Variants in ITPR2 observed in about 807,000 individuals in gnomAD.
The protein encoded by ITPR2 is inositol 1,4,5-trisphosphate receptor type 2.
A neutral mutation model predicts 317.1 loss-of-function variants in ITPR2; 207 were observed. The ratio of observed to expected loss-of-function variants is 0.65; its 90% CI spans 0.58 to 0.73. The LOEUF (loss-of-function observed/expected upper bound fraction) is 0.73, where lower values mean the gene tolerates loss of function less well. ITPR2 is among the 30% of genes least tolerant of loss of function. ITPR2 has a pLI of 0.00. For missense variants in ITPR2, 2,613 were observed against 3,284.0 expected (o/e 0.80, Z 4.99); for synonymous variants, 1,156 against 1,149.1 (o/e 1.01, Z -0.12).
Position 26,738,487 on chromosome 12 carries a change from T to C in ITPR2, c.164-12722A>G, listed in dbSNP as rs957596526. On this transcript the variant is annotated intron_variant, in intron 2 of 56. Coordinates refer to ENST00000381340, the MANE Select transcript of ITPR2 (RefSeq NM_002223.4). ...GTGGTGTGTTCTTCTCTTGGCATTT[T>C]TTTGTCTCCTCCTTTCCTACCTATT... 1.4e-4 allele frequency among the ~76,000 whole-genome samples: 21 copies of C among 152,194 alleles called. 1 individual carries two copies. The highest frequency in any genetic ancestry group is 1.3e-3 in the Admixed American group (20 of 15,282).
intron 1 of ITPR2, among the ~76,000 whole-genome samples, chr12:26,824,209 A>G (rs1193121642): frequency 6.6e-6 from 1 of 152,204 alleles, no homozygotes; most frequent in African/African-American, 2.4e-5. Flanking sequence ...ATCTCATGTA[A>G]TTTATTGAAT....
chr12:26,578,936 T>C (rs1475648557), intron 33 of ITPR2, 103 bp from the exon 34 acceptor site: 41 of 1,181,696 alleles, frequency 3.5e-5, no homozygotes, highest in Non-Finnish European at 4.8e-5. Flanking sequence ...TAAAATAAAA[T>C]ACAATCTTTC....
intron 1 of ITPR2, among the ~76,000 whole-genome samples, chr12:26,822,708 C>T (rs572659456): frequency 6.6e-6 from 1 of 152,310 alleles, no homozygotes; most frequent in African/African-American, 2.4e-5. Flanking sequence ...TCCCAAGCAA[C>T]TGCCAAGTTT....
At chr12:26,676,605 G>A (rs1044134126) in intron 13 of ITPR2, among the ~76,000 whole-genome samples, 6 of 151,650 alleles carry the variant, frequency 4.0e-5, no homozygotes, top group African/African-American at 1.5e-4. Context: ...GATGAAAAGA[G>A]AAAGAACAAG....
At position 26,436,416 on chromosome 12, in the gene ITPR2, A is replaced by C. The variant is rs561398895; in HGVS notation, c.6644-70T>G. ...TTGGTTTCAACACATGAAGCTTACC[A>C]AAACAATATTTTACTAAATGCATCA... On this transcript the variant is annotated intron_variant, in intron 47 of 56. Transcript: ENST00000381340. 5.7e-6 allele frequency: 8 copies of C among 1,403,662 alleles called. No individual in the cohort carries two copies. The South Asian group carries it at 1.1e-4, about 20-fold the overall frequency. The allele number at this position is 1,403,662 out of a possible 1,614,324, so 87.0% of individuals were successfully genotyped here.
chr12:26,624,995 T>C (rs1420036576), intron 23 of ITPR2, among the ~76,000 whole-genome samples: 1 of 152,054 alleles, frequency 6.6e-6, no homozygotes, highest in Non-Finnish European at 1.5e-5. Context: ...AATGGAGTAC[T>C]ATTCAGCCAT....
chr12:26,592,558 T>TAAAAAG (rs1027261961), intron 32 of ITPR2, among the ~76,000 whole-genome samples: 2 of 152,108 alleles, frequency 1.3e-5, no homozygotes, highest in African/African-American at 4.8e-5. Context: ...CCACAAAATT[T>TAAAAAG]AAAAAGAAAA....
rs746241257 is a variant in ITPR2, at chr12:26,339,224, C to A, written c.*173G>T. On this transcript the variant is annotated 3_prime_UTR_variant, in exon 57 of 57. Transcript: ENST00000381340. ...GCATTTGAGGTTAGGTCTTCGCAAC[C>A]ATGAAAACACAGTTATAAATTGTTC... 1.7e-6 allele frequency: 1 copy of A among 594,652 alleles called. No homozygotes were observed. The highest frequency in any genetic ancestry group is 3.0e-6 in the Non-Finnish European group (1 of 328,900). 36.8% of individuals were successfully genotyped at this position (594,652 alleles called of 1,614,324 possible).
chr12:26,509,958 T>TTTTTTTTG (rs1247091708), intron 37 of ITPR2, among the ~76,000 whole-genome samples: 1 of 53,196 alleles, frequency 1.9e-5, no homozygotes, highest in East Asian at 5.8e-4. Flanking sequence ...GATAAGGGTT[T>TTTTTTTTG]TGTGTGTGTG....
At chr12:26,768,442 T>A (rs1304343838) in intron 2 of ITPR2, among the ~76,000 whole-genome samples, 56 of 40,028 alleles carry the variant, frequency 1.4e-3, no homozygotes, top group African/African-American at 2.4e-3. Flanking sequence ...AAATAAAAAA[T>A]AAAAAATAAA....
At chr12:26,354,892 G>A (rs1938584581) in intron 55 of ITPR2, among the ~76,000 whole-genome samples, 1 of 152,070 alleles carries the variant, frequency 6.6e-6, no homozygotes, top group Non-Finnish European at 1.5e-5. Context: ...TCGAACTCCT[G>A]ACCTCAGACG....
intron 54 of ITPR2, among the ~76,000 whole-genome samples, chr12:26,391,556 C>CTTTTTTTTTTTTTTTTTTTT (rs1555117374): frequency 1.0e-5 from 1 of 98,598 alleles, no homozygotes; most frequent in African/African-American, 4.3e-5. Context: ...TCTTCTTTTC[C>CTTTTTTTTTTTTTTTTTTTT]TTTTTTTTTT....
At chr12:26,722,670 T>A in intron 4 of ITPR2, 115 bp from the exon 5 acceptor site, 1 of 738,890 alleles carries the variant, frequency 1.4e-6, no homozygotes, top group Non-Finnish European at 2.1e-6. Flanking sequence ...AGATGAAAAT[T>A]AAACAAAGGA....
chr12:26,572,026 G>A (rs1240298528), intron 34 of ITPR2, among the ~76,000 whole-genome samples: 1 of 152,154 alleles, frequency 6.6e-6, no homozygotes, highest in Non-Finnish European at 1.5e-5. Flanking sequence ...GAAATGCACT[G>A]AAAATCTGCC....
At chr12:26,412,409 T>G (rs1012493517) in intron 51 of ITPR2, among the ~76,000 whole-genome samples, 10 of 152,132 alleles carry the variant, frequency 6.6e-5, no homozygotes, top group African/African-American at 2.4e-4. Flanking sequence ...GGTGGGCACA[T>G]CCCCATTAAT....
At position 26,702,403 on chromosome 12, in the gene ITPR2, G is replaced by T. The variant is rs1275636247; in HGVS notation, c.952-6753C>A. 1.2e-3 allele frequency among the ~76,000 whole-genome samples: 118 copies of T among 101,048 alleles called. 1 individual carries two copies. Among genetic ancestry groups the T allele is most frequent in the African/African-American group, 4.6e-3 (116 of 25,286 alleles). 66.3% of individuals were successfully genotyped at this position (101,048 alleles called of 152,430 possible). On this transcript the variant is annotated intron_variant, in intron 9 of 56. Coordinates refer to ENST00000381340, the MANE Select transcript of ITPR2 (RefSeq NM_002223.4). The stretch of plus-strand genomic sequence containing the variant: ...TTGGTTTGGTTTGGTTTTTGGGGGC[G>T]GGGGTGGGGGGTTGGTGTTTTTTTT...
At chr12:26,645,642 G>A (rs977583920) in intron 21 of ITPR2, among the ~76,000 whole-genome samples, 2 of 152,198 alleles carry the variant, frequency 1.3e-5, no homozygotes, top group African/African-American at 4.8e-5. Context: ...TCCAGAAATC[G>A]AGTTTTTCAA....
chr12:26,826,986 A>G (rs1464667356), intron 1 of ITPR2, among the ~76,000 whole-genome samples: 4 of 152,238 alleles, frequency 2.6e-5, no homozygotes, highest in Non-Finnish European at 5.9e-5. Context: ...AAATCCTAGT[A>G]TAGAAAAAAT....
chr12:26,470,611 A>T (rs1942272852), intron 45 of ITPR2, among the ~76,000 whole-genome samples: 1 of 152,236 alleles, frequency 6.6e-6, no homozygotes, highest in African/African-American at 2.4e-5. Flanking sequence ...TTCTCCTTTC[A>T]TCTATCATAT....
Sources: gnomAD v4.1 joint callset for allele counts (sites outside exome capture counted in the v4.1 genomes callset) on GRCh38, gnomAD v4.1.1 for gene constraint, MANE v1.5 for transcripts, NCBI Gene and HGNC (gene_info 2026-07-23, HGNC 2026-07-21) for gene names.